The following TXNRD2 variants were observed in gnomAD, a reference collection of about 807,000 sequenced individuals.
The protein encoded by TXNRD2 is thioredoxin reductase 2, also known as thioredoxin reductase 2, mitochondrial.
Under a neutral mutation model 70.8 loss-of-function variants are expected in TXNRD2, and 67 were observed. That is an observed-to-expected ratio of 0.95 (90% CI 0.78 to 1.16). TXNRD2 has a LOEUF of 1.16. TXNRD2 is among the 50% of genes most tolerant of loss of function. TXNRD2 has a pLI of 0.00. For synonymous variants in TXNRD2, 301 were observed against 295.8 expected (o/e 1.02, Z -0.18); for missense variants, 644 against 719.9 (o/e 0.89, Z 1.21).
In TXNRD2 at chr22:19,880,681, C is replaced by T. The variant is rs757239766; in HGVS notation, c.1123G>A (p.Gly375Arg). 11 of 1,613,216 alleles carry T rather than the reference C, an allele frequency of 6.8e-6. No individual in the cohort carries two copies. Among genetic ancestry groups the T allele is most frequent in the Admixed American group, 3.3e-5 (2 of 60,004 alleles). Residue 375 changes from glycine (G) to arginine (R), a missense_variant, in exon 13 of 18, where the codon GGG (glycine) becomes AGG (arginine). Coordinates refer to ENST00000400521, the MANE Select transcript of TXNRD2 (RefSeq NM_006440.5). ...PELTPIAIMA[G>R]RLLVQRLFGG... The stretch of plus-strand genomic sequence containing the variant: ...AAGAGCCGCTGCACCAGGAGCCTCC[C>T]GGCCATGATCGCTATGGGTGTCAGC...
intron 2 of TXNRD2, among the ~76,000 whole-genome samples, chr22:19,925,151 GCA>G (rs1156392021): frequency 7.9e-5 from 12 of 151,784 alleles, no homozygotes; most frequent in Non-Finnish European, 1.6e-4. Context: ...GGGCATGGTG[GCA>G]TGCGCCTGTA....
intron 2 of TXNRD2, among the ~76,000 whole-genome samples, chr22:19,926,238 C>T (rs1414918726): frequency 6.9e-6 from 1 of 144,442 alleles, no homozygotes; most frequent in Non-Finnish European, 1.6e-5. Flanking sequence ...GCCTGTAATA[C>T]CGGCACTCTG....
chr22:19,909,868 C>CCACTCACACACACA (rs1940300227), intron 8 of TXNRD2, among the ~76,000 whole-genome samples: 12 of 122,146 alleles, frequency 9.8e-5, no homozygotes, highest in African/African-American at 1.3e-4. Context: ...ACCACACACA[C>CCACTCACACACACA]ACCACTCACA....
rs1159919237 is a variant in TXNRD2 at position 19,941,775 on chromosome 22, C to A, written c.29G>T (p.Gly10Val). Residue 10 changes from glycine (G) to valine (V), a missense_variant, in exon 1 of 18, where the codon GGA becomes GTA. Physicochemically the swap from Gly to Val is moderately radical, Grantham distance 109. Transcript: ENST00000400521. ...CCGCCACCGGAAGCGCCCTCCTAAT[C>A]CCCGCAGCGCCACCGCCATTGCCGC... MAAMAVALR[G>V]LGGRFRWRTQ... 6 of 1,525,472 alleles carry A rather than the reference C, an allele frequency of 3.9e-6. No homozygotes were observed. The highest frequency in any genetic ancestry group is 5.2e-6 in the Non-Finnish European group (6 of 1,146,396). The allele number at this position is 1,525,472 out of a possible 1,614,324, so 94.5% of individuals were successfully genotyped here. A position where few individuals can be genotyped will look rare whatever the true frequency, so the allele number is the denominator to read the frequency against.
At chr22:19,916,333 CT>C (rs55971809) in intron 5 of TXNRD2, 677 of 159,360 alleles carry the variant, frequency 4.2e-3, no homozygotes, top group South Asian at 0.012. Flanking sequence ...GCTTTCTTTT[CT>C]TTTTTTTTTT....
intron 2 of TXNRD2, among the ~76,000 whole-genome samples, 191 bp from the exon 3 acceptor site, chr22:19,919,790 C>T (rs1940824711): frequency 1.3e-5 from 2 of 152,218 alleles, no homozygotes; most frequent in South Asian, 2.1e-4. Flanking sequence ...TGCTGAGCTG[C>T]GCTGCCTGCT....
chr22:19,881,817 C>T (rs953398798), intron 12 of TXNRD2, among the ~76,000 whole-genome samples: 1 of 152,206 alleles, frequency 6.6e-6, no homozygotes, highest in Admixed American at 6.5e-5. Flanking sequence ...AATCACTGAG[C>T]AGCTGAACCA....
chr22:19,925,103 C>G (rs185929832), intron 2 of TXNRD2, among the ~76,000 whole-genome samples: 3 of 150,504 alleles, frequency 2.0e-5, no homozygotes, highest in Non-Finnish European at 4.4e-5. Flanking sequence ...GCTAACACGG[C>G]GAAGCCCCGT....
intron 11 of TXNRD2, among the ~76,000 whole-genome samples, chr22:19,892,124 G>A (rs766646760): frequency 6.6e-6 from 1 of 152,280 alleles, no homozygotes; most frequent in African/African-American, 2.4e-5. Flanking sequence ...ACCCGGTACA[G>A]GAAGCAGAGT....
In TXNRD2 at chr22:19,939,438, T is replaced by C. The variant is rs535977192; in HGVS notation, c.103+2263A>G. On this transcript the variant is annotated intron_variant, in intron 1 of 17. Coordinates refer to ENST00000400521, the MANE Select transcript of TXNRD2 (RefSeq NM_006440.5). ...TACAATAGGTTTTATTTAATAATTA[T>C]CTTCCTTACACTTTCTGTCTCACCA... Among the ~76,000 whole-genome samples, 356 of 152,356 alleles carry C rather than the reference T, an allele frequency of 2.3e-3. 4 individuals are homozygous for C. Among genetic ancestry groups the C allele is most frequent in the African/African-American group, 8.3e-3 (343 of 41,572 alleles).
At chr22:19,878,293 G>C in intron 15 of TXNRD2, 73 bp downstream of exon 15, 1 of 1,598,160 alleles carries the variant, frequency 6.3e-7, no homozygotes, top group South Asian at 1.1e-5. Context: ...GCCAGTCCTC[G>C]GGTGTTCACC....
chr22:19,916,549 C>T (rs1276764947), intron 5 of TXNRD2, among the ~76,000 whole-genome samples: 1 of 152,058 alleles, frequency 6.6e-6, no homozygotes, highest in Non-Finnish European at 1.5e-5. Flanking sequence ...GCCATGTTGG[C>T]CAGGCTGGTC....
chr22:19,898,478 T>G (rs1939620212), intron 9 of TXNRD2, among the ~76,000 whole-genome samples: 1 of 151,062 alleles, frequency 6.6e-6, no homozygotes, highest in Admixed American at 6.6e-5. Context: ...AGCTGCTTTC[T>G]TCCACCTGTG....
chr22:19,881,398 CCGGCGGG>C (rs1347089085), intron 12 of TXNRD2: 10 of 257,354 alleles, frequency 3.9e-5, no homozygotes, highest in Admixed American at 2.2e-4. Flanking sequence ...CGGAAACATC[CCGGCGGG>C]CGGCGCACAG....
intron 8 of TXNRD2, chr22:19,902,865 T>G (rs1055819499): frequency 1.8e-4 from 88 of 485,574 alleles, no homozygotes; most frequent in Admixed American, 8.8e-4. Flanking sequence ...ATGGCTGTGG[T>G]TCTTCCCAAG....
chr22:19,929,817 T>TC (rs3842462), intron 2 of TXNRD2, among the ~76,000 whole-genome samples: 82,233 of 151,798 alleles, frequency 0.54, 22,435 homozygotes, highest in East Asian at 0.69. Context: ...CATGCACACA[T>TC]AAGAATGATC....
intron 5 of TXNRD2, chr22:19,916,275 T>C (rs143870595): frequency 2.0e-4 from 45 of 222,598 alleles, no homozygotes; most frequent in African/African-American, 9.9e-4. Context: ...ATGACAAGGC[T>C]GGCAAAACAG....
At chr22:19,895,117 C>G in intron 11 of TXNRD2, 1 of 1,598,432 alleles carries the variant, frequency 6.3e-7, no homozygotes, top group Non-Finnish European at 8.5e-7. Context: ...GATGAGGACA[C>G]CTGGCTGATG....
At position 19,895,189 on chromosome 22, in the gene TXNRD2, A is replaced by T. The variant is rs1176501401; in HGVS notation, c.949+218T>A. ...CCCACGGTGGTGGGGAGACACGCAG[A>T]GATGCAAGGTGCTGGGGATGGCAAG... On this transcript the variant is annotated intron_variant, in intron 11 of 17. Transcript: ENST00000400521. 3.1e-6 allele frequency: 5 copies of T among 1,598,252 alleles called. No individual in the cohort carries two copies. The Admixed American group carries it at 8.3e-5, about 27-fold the overall frequency.
Sources: allele counts gnomAD v4.1 joint callset (sites outside exome capture counted in the v4.1 genomes callset), GRCh38; gene constraint gnomAD v4.1.1; transcripts MANE v1.5; gene names NCBI Gene and HGNC (gene_info 2026-07-23, HGNC 2026-07-21).